The following SAAL1 variants were observed in gnomAD, a reference collection of about 807,000 sequenced individuals.
The protein encoded by SAAL1 is serum amyloid A like 1.
A neutral mutation model predicts 59.8 loss-of-function variants in SAAL1; 42 were observed. That is an observed-to-expected ratio of 0.70 (90% confidence interval 0.55 to 0.91). SAAL1 has a LOEUF of 0.91. Ranked by LOEUF, SAAL1 falls within the 40% of genes least tolerant of loss-of-function variation. The pLI is 0.00. For synonymous variants in SAAL1, 191 were observed against 194.3 expected (o/e 0.98, Z 0.14); for missense variants, 542 against 561.1 (o/e 0.97, Z 0.34).
intron 3 of SAAL1, among the ~76,000 whole-genome samples, chr11:18,092,782 C>T (rs994432525): frequency 2.6e-5 from 4 of 151,986 alleles, no homozygotes; most frequent in African/African-American, 7.3e-5. Context: ...CTCTGAATGC[C>T]GTGCTGAAGA....
chr11:18,099,248 G>C (rs1455197254), intron 2 of SAAL1, among the ~76,000 whole-genome samples: 2 of 152,280 alleles, frequency 1.3e-5, no homozygotes, highest in South Asian at 2.1e-4. Flanking sequence ...CTCCCAAATA[G>C]CTGGGAATAC....
intron 2 of SAAL1, among the ~76,000 whole-genome samples, chr11:18,097,434 C>T (rs1048230658): frequency 2.0e-5 from 3 of 152,114 alleles, no homozygotes; most frequent in South Asian, 4.1e-4. Flanking sequence ...CTTTTCTGCC[C>T]GAATCTATTT....
chr11:18,100,504 G>A (rs964346136), intron 2 of SAAL1, among the ~76,000 whole-genome samples: 3 of 152,130 alleles, frequency 2.0e-5, no homozygotes, highest in African/African-American at 7.2e-5. Flanking sequence ...CCGGGGCAGG[G>A]GGATCACTTG....
intron 5 of SAAL1, 37 bp downstream of exon 5, chr11:18,090,397 G>C: frequency 6.3e-7 from 1 of 1,588,912 alleles, no homozygotes; most frequent in Non-Finnish European, 8.5e-7. Flanking sequence ...CTACTCTTAT[G>C]AGTAACCTTA....
Position 18,103,221 on chromosome 11 carries a change from C to T in SAAL1, c.249+12G>A. 1 of 1,564,704 alleles carries T rather than the reference C, an allele frequency of 6.4e-7. No individual in the cohort carries two copies. Among genetic ancestry groups the T allele is most frequent in the Non-Finnish European group, 8.8e-7 (1 of 1,135,274 alleles). ...CCCAACAGTCTTCAGAGTTTTGTTT[C>T]CAGCCTCATACCTCATCCATTGACA... On this transcript the variant is annotated intron_variant, in intron 2 of 11. Transcript: ENST00000524803.
At position 18,096,828 on chromosome 11, in the gene SAAL1, A is replaced by G. The variant is rs199946542; in HGVS notation, c.276T>C (p.Phe92=). The change falls in exon 3 of 12, where the codon TTT becomes TTC. Residue 92 remains phenylalanine, a synonymous_variant. Transcript: ENST00000524803. ...CTCCCATGAATATATCAGGAGCATT[A>G]AATTCTTGGAGAAATAAAGCCACGT... is the stretch of plus-strand genomic sequence containing the variant. The part of the protein sequence containing the change: ...DEDVALFLQE[F]NAPDIFMGVL... The G allele has an allele frequency of 1.2e-5, 19 of 1,580,192 alleles. No homozygotes were observed. Among genetic ancestry groups the G allele is most frequent in the Admixed American group, 1.9e-5 (1 of 54,026 alleles).
chr11:18,103,544 G>C (rs1364399461), intron 1 of SAAL1, among the ~76,000 whole-genome samples, 198 bp from the exon 2 acceptor site: 1 of 152,180 alleles, frequency 6.6e-6, no homozygotes, highest in East Asian at 1.9e-4. Flanking sequence ...AGGTACTTTA[G>C]TTTCCTCCTA....
intron 10 of SAAL1, among the ~76,000 whole-genome samples, chr11:18,083,038 T>C (rs945061682): frequency 2.0e-5 from 3 of 152,232 alleles, no homozygotes; most frequent in Admixed American, 1.3e-4. Context: ...AACATATTCA[T>C]AATACATTTC....
chr11:18,081,079 G>T (rs1453583716), intron 11 of SAAL1, among the ~76,000 whole-genome samples: 1 of 152,106 alleles, frequency 6.6e-6, no homozygotes, highest in Non-Finnish European at 1.5e-5. Flanking sequence ...AGGCACAGAT[G>T]AACCTGTTAC....
At chr11:18,080,827 T>A (rs1031844267) in intron 11 of SAAL1, among the ~76,000 whole-genome samples, 3 of 152,216 alleles carry the variant, frequency 2.0e-5, no homozygotes, top group African/African-American at 4.8e-5. Flanking sequence ...TGAAGAACCA[T>A]AAAAACCTAC....
chr11:18,086,328 G>A (rs1848463174), intron 9 of SAAL1, among the ~76,000 whole-genome samples: 2 of 152,150 alleles, frequency 1.3e-5, no homozygotes, highest in South Asian at 2.1e-4. Context: ...CCTGAGCCCA[G>A]GAATTCAAGG....
In SAAL1 at chr11:18,102,798, GAATAA is replaced by G. The variant is rs1219538418; in HGVS notation, c.249+430_249+434del. On this transcript the variant is annotated intron_variant, in intron 2 of 11. Coordinates refer to ENST00000524803, the MANE Select transcript of SAAL1 (RefSeq NM_138421.3). ...TATATGAAAATGCTTTTGAGCTATA[GAATAA>G]AATACAGATATTAAAACACTATGAT... 3.9e-5 allele frequency among the ~76,000 whole-genome samples: 6 copies of G among 152,100 alleles called. 1 individual carries two copies. Among genetic ancestry groups the G allele is most frequent in the Admixed American group, 3.9e-4 (6 of 15,262 alleles).
chr11:18,097,289 A>G (rs953928647), intron 2 of SAAL1, among the ~76,000 whole-genome samples: 1 of 152,136 alleles, frequency 6.6e-6, no homozygotes, highest in Admixed American at 6.5e-5. Flanking sequence ...CAAGAAAAAA[A>G]AAACACAGGC....
Position 18,090,440 on chromosome 11 carries a change from G to A in SAAL1, c.467C>T (p.Thr156Ile). ...YDSDPPTLLE[T>I]SRLLLTCLSQ... ...CATAAAAGGAAAAGCATACCTGCTT[G>A]TTTCCAGCAGAGTAGGTGGGTCTGA... The change falls in exon 5 of 12, where the codon ACA becomes ATA. Residue 156 changes from threonine to isoleucine, a missense_variant. Thr to Ile is a moderately conservative substitution (Grantham distance 89). Transcript: ENST00000524803. The A allele has an allele frequency of 2.5e-6, 4 of 1,607,392 alleles. No homozygotes were observed. The highest frequency in any genetic ancestry group is 1.1e-5 in the South Asian group (1 of 88,964).
Position 18,098,130 on chromosome 11 carries a change from G to C in SAAL1, c.250-1276C>G, listed in dbSNP as rs888679775. The stretch of plus-strand genomic sequence containing the variant: ...CCACTGCACTCTAGCCTGGGCGACA[G>C]AGTGAGACTTTGTCTCAAACAAAAA... On this transcript the variant is annotated intron_variant, in intron 2 of 11. Coordinates refer to ENST00000524803, the MANE Select transcript of SAAL1 (RefSeq NM_138421.3). Among the ~76,000 whole-genome samples, 10 of 152,338 alleles carry C rather than the reference G, an allele frequency of 6.6e-5. No homozygotes were observed. The South Asian group carries it at 1.9e-3, about 28-fold the overall frequency.
At chr11:18,095,162 G>A (rs1848559866) in intron 3 of SAAL1, among the ~76,000 whole-genome samples, 1 of 152,166 alleles carries the variant, frequency 6.6e-6, no homozygotes, top group African/African-American at 2.4e-5. Flanking sequence ...CCCTGTCCCA[G>A]GTGATTCTAA....
At chr11:18,094,576 A>G (rs553524270) in intron 3 of SAAL1, among the ~76,000 whole-genome samples, 9 of 152,220 alleles carry the variant, frequency 5.9e-5, no homozygotes, top group Non-Finnish European at 1.2e-4. Flanking sequence ...TAAAGAACAC[A>G]TAAGTTCACT....
intron 9 of SAAL1, among the ~76,000 whole-genome samples, chr11:18,085,013 G>A (rs575840985): frequency 7.4e-4 from 112 of 152,244 alleles, no homozygotes; most frequent in Middle Eastern, 3.4e-3. Flanking sequence ...TAATCTGCCC[G>A]CCTCAGCCTC....
chr11:18,080,468 T>A lies in SAAL1; in HGVS notation c.1356A>T (p.Leu452=), dbSNP rs748245750. The A allele has an allele frequency of 3.6e-5, 57 of 1,582,964 alleles. No individual in the cohort carries two copies. The highest frequency in any genetic ancestry group is 4.6e-5 in the Non-Finnish European group (54 of 1,172,218). ...CAGCAAGCGCCTTATCAACTTCACG[T>A]AGGATTTTAATAAAATCTTCCACCT... ...SPVVEDFIKI[L]REVDKALADD... is the part of the protein sequence containing the mutation. The change falls in exon 12 of 12, where the codon CTA becomes CTT. Residue 452 remains leucine (L), a synonymous_variant. Transcript: ENST00000524803.
Sources: allele counts gnomAD v4.1 joint callset (sites outside exome capture counted in the v4.1 genomes callset), GRCh38; gene constraint gnomAD v4.1.1; transcripts MANE v1.5; gene names NCBI Gene and HGNC (gene_info 2026-07-23, HGNC 2026-07-21).